TSNARE1: variants seen among roughly 807,000 people sequenced by gnomAD.
The protein encoded by TSNARE1 is t-SNARE domain-containing protein 1.
A neutral mutation model predicts 62.0 loss-of-function variants in TSNARE1; 49 were observed. That is an observed-to-expected ratio of 0.79 (90% CI 0.63 to 1.00). TSNARE1 has a LOEUF of 1.00. TSNARE1 is among the 50% of genes least tolerant of loss of function. TSNARE1 has a pLI of 0.00. For missense variants in TSNARE1, 755 were observed against 700.1 expected (o/e 1.08, Z -0.88); for synonymous variants, 328 against 294.4 (o/e 1.11, Z -1.17).
chr8:142,325,160 G>A (rs576633606), intron 6 of TSNARE1, among the ~76,000 whole-genome samples: 33 of 152,354 alleles, frequency 2.2e-4, no homozygotes. Context: ...GACTGAGCGG[G>A]CCTGGAAGTG....
At chr8:142,374,263 C>T (rs1386248635) in intron 1 of TSNARE1, among the ~76,000 whole-genome samples, 1 of 151,754 alleles carries the variant, frequency 6.6e-6, no homozygotes, top group Non-Finnish European at 1.5e-5. Context: ...CGAGATTATG[C>T]CATTGCACTA....
intron 11 of TSNARE1, among the ~76,000 whole-genome samples, chr8:142,281,867 AAG>A (rs1478829958): frequency 6.6e-6 from 1 of 152,012 alleles, no homozygotes; most frequent in Non-Finnish European, 1.5e-5. Context: ...CCCTGGCTCC[AAG>A]CTCAGCCCCT....
At position 142,354,413 on chromosome 8, in the gene TSNARE1, T is replaced by A. The variant is rs543690602; in HGVS notation, c.88+224A>T. Among the ~76,000 whole-genome samples the A allele has an allele frequency of 3.9e-5, 6 of 152,178 alleles. No homozygotes were observed. The East Asian group carries it at 1.2e-3, about 30-fold the overall frequency. ...TGCCAGCTCCATGCCCAGCATGAAC[T>A]GGGACACCCAGGTCTGCCCACACCC... On this transcript the variant is annotated intron_variant, in intron 2 of 13. Coordinates refer to ENST00000524325, the MANE Select transcript of TSNARE1 (RefSeq NM_145003.5).
At chr8:142,223,051 T>TTCACTCAC (rs1306144431) in intron 13 of TSNARE1, among the ~76,000 whole-genome samples, 3 of 107,838 alleles carry the variant, frequency 2.8e-5, no homozygotes, top group Non-Finnish European at 5.9e-5. Context: ...CACTCACTCA[T>TTCACTCAC]TCACTCATTC....
chr8:142,257,898 C>T (rs1818664225), intron 12 of TSNARE1, among the ~76,000 whole-genome samples: 1 of 152,088 alleles, frequency 6.6e-6, no homozygotes, highest in Non-Finnish European at 1.5e-5. Context: ...CACCCACTGC[C>T]CCTGGGTGAG....
chr8:142,264,931 C>T (rs1360797242), intron 12 of TSNARE1, among the ~76,000 whole-genome samples: 2 of 152,134 alleles, frequency 1.3e-5, no homozygotes, highest in Non-Finnish European at 2.9e-5. Flanking sequence ...TGTTCTCGCC[C>T]TGTCCTGCAT....
intron 11 of TSNARE1, chr8:142,275,562 T>G (rs1003502036): frequency 1.0e-6 from 1 of 985,396 alleles, no homozygotes; most frequent in Admixed American, 6.1e-5. Flanking sequence ...GAAGGACACA[T>G]GCCACCTGGG....
At chr8:142,295,110 G>A (rs1381864327) in intron 10 of TSNARE1, among the ~76,000 whole-genome samples, 1 of 152,210 alleles carries the variant, frequency 6.6e-6, no homozygotes, top group Non-Finnish European at 1.5e-5. Context: ...TGAGTACACA[G>A]TGGAGACAGG....
intron 6 of TSNARE1, 103 bp from the exon 7 acceptor site, chr8:142,318,737 G>T: frequency 1.9e-6 from 2 of 1,041,336 alleles, no homozygotes; most frequent in Admixed American, 1.9e-5. Flanking sequence ...GCCGAGTGGG[G>T]GAGACAGAGA....
At chr8:142,384,768 T>G (rs557355381) in intron 1 of TSNARE1, among the ~76,000 whole-genome samples, 2 of 152,300 alleles carry the variant, frequency 1.3e-5, no homozygotes, top group South Asian at 4.2e-4. Flanking sequence ...GATGTTGGAT[T>G]TGGCAATGAT....
chr8:142,216,097 A>G (rs1586739941), intron 13 of TSNARE1, among the ~76,000 whole-genome samples: 1 of 152,264 alleles, frequency 6.6e-6, no homozygotes, highest in East Asian at 1.9e-4. Flanking sequence ...TCTAGGCCCA[A>G]GCCATGAGCC....
chr8:142,297,653 G>A (rs900515196), intron 10 of TSNARE1, among the ~76,000 whole-genome samples: 4 of 152,222 alleles, frequency 2.6e-5, no homozygotes, highest in Non-Finnish European at 5.9e-5. Flanking sequence ...CCCGAGCCCT[G>A]CGCAGGCTGC....
At chr8:142,405,816 C>G (rs1400860867), upstream of TSNARE1, 1 of 152,608 alleles carries the variant, frequency 6.6e-6, no homozygotes, top group African/African-American at 2.4e-5. Flanking sequence ...TGCTCTGCTC[C>G]CAGCACAGCT....
chr8:142,364,409 C>T (rs1422687702), intron 1 of TSNARE1, among the ~76,000 whole-genome samples: 2 of 152,138 alleles, frequency 1.3e-5, no homozygotes, highest in Non-Finnish European at 2.9e-5. Context: ...TATAATCACA[C>T]AGGCACACTC....
intron 12 of TSNARE1, chr8:142,272,578 A>T: frequency 1.6e-6 from 1 of 641,366 alleles, no homozygotes; most frequent in Non-Finnish European, 1.8e-6. Context: ...CCACCCGTCT[A>T]CACCTTCCTC....
intron 9 of TSNARE1, among the ~76,000 whole-genome samples, chr8:142,304,696 C>T (rs1826370602): frequency 6.6e-6 from 1 of 152,206 alleles, no homozygotes; most frequent in African/African-American, 2.4e-5. Context: ...GCCTGGAGAG[C>T]TCGAGCTGAG....
chr8:142,291,194 A>G lies in TSNARE1; in HGVS notation c.1291-6709T>C, dbSNP rs1273910392. Reference sequence around the variant, plus strand: ...GCTCTGGACCTGCGGGTGGCCTTGGAGACAAATCCCACCACCCTCATCTCA... The same window carrying G: ...GCTCTGGACCTGCGGGTGGCCTTGGGGACAAATCCCACCACCCTCATCTCA... On this transcript the variant is annotated intron_variant, in intron 10 of 13. Transcript: ENST00000524325. The surrounding 1 kb of genome is among the most constrained non-coding windows in gnomAD (Gnocchi z 4.8). Among the ~76,000 whole-genome samples, 1 of 151,656 alleles carries G rather than the reference A, an allele frequency of 6.6e-6. No individual in the cohort carries two copies. Among genetic ancestry groups the G allele is most frequent in the Non-Finnish European group, 1.5e-5 (1 of 67,968 alleles).
chr8:142,347,789 G>A lies in TSNARE1; in HGVS notation c.89-1897C>T, dbSNP rs1451416375. Among the ~76,000 whole-genome samples the A allele has an allele frequency of 1.8e-3, 192 of 107,938 alleles. 2 individuals carry two copies. Among genetic ancestry groups the A allele is most frequent in the African/African-American group, 7.1e-3 (186 of 26,132 alleles). The allele number at this position is 107,938 out of a possible 152,430, so 70.8% of individuals were successfully genotyped here. A position where few individuals can be genotyped will look rare whatever the true frequency, so the allele number is the denominator to read the frequency against. On this transcript the variant is annotated intron_variant, in intron 2 of 13. Transcript: ENST00000524325. ...CGCTCACCCAAGTCCAGAAGGACAC[G>A]CCATCACCTCGCCACACTGCATCCG...
intron 10 of TSNARE1, among the ~76,000 whole-genome samples, chr8:142,290,352 G>A (rs138836970): frequency 1.3e-5 from 2 of 152,212 alleles, no homozygotes; most frequent in Admixed American, 6.5e-5. Flanking sequence ...GGAAGACCCA[G>A]AACTTAGTAG....
Sources: gnomAD v4.1 joint callset for allele counts (sites outside exome capture counted in the v4.1 genomes callset) on GRCh38, gnomAD v4.1.1 for gene constraint, Gnocchi (gnomAD v3.1) non-coding constraint, MANE v1.5 for transcripts, NCBI Gene and HGNC (gene_info 2026-07-23, HGNC 2026-07-21) for gene names.